Variants in GPHN observed in about 807,000 individuals in gnomAD.
The protein encoded by GPHN is gephyrin.
In GPHN, 17 loss-of-function variants were observed where a neutral mutation model predicts 95.5. The ratio of observed to expected loss-of-function variants is 0.18; its 90% CI spans 0.12 to 0.27. The LOEUF is 0.27. GPHN is among the 10% of genes least tolerant of loss of function. The pLI is 1.00. For missense variants in GPHN, 660 were observed against 978.1 expected (o/e 0.67, Z 4.34); for synonymous variants, 320 against 322.5 (o/e 0.99, Z 0.08).
intron 2 of GPHN, among the ~76,000 whole-genome samples, chr14:66,765,804 T>C (rs1352036785): frequency 6.6e-6 from 1 of 152,210 alleles, no homozygotes; most frequent in African/African-American, 2.4e-5. Context: ...GGAAAAGCTG[T>C]ATAATTTATT....
intron 3 of GPHN, among the ~76,000 whole-genome samples, chr14:66,779,711 C>A (rs2059537221): frequency 6.6e-6 from 1 of 151,804 alleles, no homozygotes; most frequent in African/African-American, 2.4e-5. Flanking sequence ...TAATAGGATA[C>A]CAGATTATAG....
At chr14:67,375,697 T>G in the GPHN span, among the ~76,000 whole-genome samples, 1 of 152,232 alleles carries the variant, frequency 6.6e-6, no homozygotes, top group Admixed American at 6.5e-5. Flanking sequence ...ACACTGTCAG[T>G]AAAATATCTT....
At chr14:67,627,016 C>G in the GPHN span, among the ~76,000 whole-genome samples, 2 of 152,094 alleles carry the variant, frequency 1.3e-5, no homozygotes, top group South Asian at 4.2e-4. Flanking sequence ...CTAGAACAGG[C>G]AAAGCCATAA....
the GPHN span, chr14:67,203,376 C>A: frequency 8.7e-7 from 1 of 1,155,748 alleles, no homozygotes; most frequent in African/African-American, 1.6e-5. Context: ...ACACTGATGA[C>A]AATTGCGCCA....
chr14:66,592,072 A>G (rs1346332386), intron 1 of GPHN, among the ~76,000 whole-genome samples: 1 of 152,198 alleles, frequency 6.6e-6, no homozygotes, highest in Non-Finnish European at 1.5e-5. Context: ...CTATTTAATA[A>G]ATGGTGTTGG....
At chr14:67,594,561 C>T in the GPHN span, among the ~76,000 whole-genome samples, 3 of 151,472 alleles carry the variant, frequency 2.0e-5, no homozygotes, top group South Asian at 2.1e-4. Flanking sequence ...GCAGGAGAAT[C>T]GCTTGAACCT....
chr14:67,102,521 G>A (rs1334130159), intron 13 of GPHN, among the ~76,000 whole-genome samples: 3 of 151,924 alleles, frequency 2.0e-5, no homozygotes, highest in Non-Finnish European at 4.4e-5. Context: ...TGAGCCAGGC[G>A]TGGTGGCACA....
chr14:67,586,990 C>T, the GPHN span: 2 of 1,530,002 alleles, frequency 1.3e-6, no homozygotes, highest in East Asian at 2.5e-5. Context: ...GGCCCAGGAA[C>T]TCAGCATAAG....
the GPHN span, among the ~76,000 whole-genome samples, chr14:67,187,960 T>A: frequency 6.6e-6 from 1 of 152,190 alleles, no homozygotes; most frequent in African/African-American, 2.4e-5. Flanking sequence ...ACTTCTTGAG[T>A]GCAGAGACTG....
intron 4 of GPHN, among the ~76,000 whole-genome samples, chr14:66,858,369 C>T (rs2062884137): frequency 6.6e-6 from 1 of 151,892 alleles, no homozygotes; most frequent in African/African-American, 2.4e-5. Flanking sequence ...CATGAGGCCC[C>T]CTTTCCAGGC....
intron 16 of GPHN, among the ~76,000 whole-genome samples, chr14:67,118,676 C>T (rs985902609): frequency 1.3e-5 from 2 of 151,438 alleles, no homozygotes; most frequent in Admixed American, 1.3e-4. Flanking sequence ...TGCAGTGAGC[C>T]GAGATCGCAT....
At chr14:67,686,362 G>A in the GPHN span, 2 of 151,498 alleles carry the variant, frequency 1.3e-5, no homozygotes, top group Non-Finnish European at 2.9e-5. Context: ...GATGCAGCTG[G>A]GCGTGGTGGC....
At chr14:67,332,899 GTTAA>G in the GPHN span, 2 of 1,613,998 alleles carry the variant, frequency 1.2e-6, no homozygotes, top group Non-Finnish European at 1.7e-6. Flanking sequence ...AATTGCTTAG[GTTAA>G]TTAACAAACT....
intron 1 of GPHN, among the ~76,000 whole-genome samples, chr14:66,639,063 A>G (rs1021741091): frequency 6.6e-6 from 1 of 151,600 alleles, no homozygotes; most frequent in Non-Finnish European, 1.5e-5. Flanking sequence ...TTAATCTTTT[A>G]TGATTTCGTG....
chr14:67,629,069 C>T, the GPHN span, among the ~76,000 whole-genome samples: 203 of 152,278 alleles, frequency 1.3e-3, 1 homozygote, highest in Admixed American at 5.0e-3. Context: ...TGGGGTGGCT[C>T]ATGCCTGTAA....
At chr14:67,030,972 C>A (rs187616671) in intron 10 of GPHN, among the ~76,000 whole-genome samples, 1 of 151,954 alleles carries the variant, frequency 6.6e-6, no homozygotes, top group East Asian at 1.9e-4. Context: ...AGCAAAAACT[C>A]TAATATATTT....
the GPHN span, chr14:67,343,293 G>A: frequency 5.1e-5 from 56 of 1,107,670 alleles, no homozygotes; most frequent in East Asian, 1.2e-3. Flanking sequence ...CTTCAGTACA[G>A]TCCCTGAATT....
the GPHN span, among the ~76,000 whole-genome samples, chr14:67,266,998 T>A: frequency 6.6e-6 from 1 of 151,932 alleles, no homozygotes; most frequent in South Asian, 2.1e-4. Flanking sequence ...ACCCACCTAC[T>A]CAGGAGGCTG....
At chr14:66,526,294 G>A in intron 1 of GPHN, among the ~76,000 whole-genome samples, 1 of 152,166 alleles carries the variant, frequency 6.6e-6, no homozygotes, top group East Asian at 1.9e-4. Context: ...TCTGTTAATG[G>A]TGTATAGGAA....
Sources: gnomAD v4.1 joint callset for allele counts (sites outside exome capture counted in the v4.1 genomes callset) on GRCh38, gnomAD v4.1.1 for gene constraint, MANE v1.5 for transcripts, NCBI Gene and HGNC (gene_info 2026-07-23, HGNC 2026-07-21) for gene names.